The following TENM1 variants were observed in gnomAD, a reference collection of about 807,000 sequenced individuals.
TENM1 encodes the protein teneurin transmembrane protein 1, also known as teneurin-1.
TENM1 carries 35 observed loss-of-function variants against 174.8 expected under a neutral mutation model. The observed-to-expected ratio is 0.20, with a 90% confidence interval of 0.15 to 0.27. The LOEUF (loss-of-function observed/expected upper bound fraction) is 0.27. Among genes scored for constraint, TENM1 ranks in the 10% least tolerant of loss-of-function variants. The pLI is 1.00. For missense variants in TENM1, 1,633 were observed against 2,130.1 expected (o/e 0.77, Z 4.59); for synonymous variants, 781 against 798.7 (o/e 0.98, Z 0.37).
chrX:124,907,073 C>A (rs2057759912), intron 1 of TENM1, among the ~76,000 whole-genome samples: 1 of 111,377 alleles, frequency 9.0e-6, no homozygotes, highest in Non-Finnish European at 1.9e-5. Flanking sequence ...TATTGTATGT[C>A]AATTTTACCT....
intron 11 of TENM1, among the ~76,000 whole-genome samples, chrX:124,637,093 C>CTTT (rs747497256): frequency 3.9e-5 from 4 of 102,027 alleles, no homozygotes; most frequent in African/African-American, 1.1e-4. Flanking sequence ...TTCTTTCTTT[C>CTTT]TTTTTTTTTT....
chrX:124,961,254 A>G (rs2058648125), intron 1 of TENM1, among the ~76,000 whole-genome samples: 1 of 112,266 alleles, frequency 8.9e-6, no homozygotes, highest in Non-Finnish European at 1.9e-5. Flanking sequence ...TAAAGCATAT[A>G]TTATATGCAA....
the TENM1 span, among the ~76,000 whole-genome samples, chrX:124,973,062 T>C: frequency 2.7e-5 from 3 of 112,215 alleles, no homozygotes; most frequent in Admixed American, 9.5e-5. Context: ...AAGAAAGCCA[T>C]CTTGAGTTAA....
chrX:124,991,526 CAGAG>C, the TENM1 span, among the ~76,000 whole-genome samples: 1 of 108,062 alleles, frequency 9.3e-6, no homozygotes, highest in African/African-American at 3.4e-5. Context: ...CAGAGAGAGA[CAGAG>C]AGAGAGAGAA....
At chrX:125,098,341 C>G in the TENM1 span, among the ~76,000 whole-genome samples, 2 of 111,922 alleles carry the variant, frequency 1.8e-5, no homozygotes, top group Non-Finnish European at 3.8e-5. Context: ...TAGCACAATA[C>G]CTTGAACAGG....
chrX:124,402,204 C>A (rs1603252040), intron 27 of TENM1, among the ~76,000 whole-genome samples: 1 of 111,819 alleles, frequency 8.9e-6, no homozygotes, highest in African/African-American at 3.3e-5. Context: ...CAAATAAAAT[C>A]CTGGCTATGA....
At chrX:125,136,747 T>TA in the TENM1 span, among the ~76,000 whole-genome samples, 11 of 111,440 alleles carry the variant, frequency 9.9e-5, no homozygotes, top group African/African-American at 2.9e-4. Context: ...AATAGAACAA[T>TA]AAAAAAACAG....
At chrX:124,554,395 G>A (rs1345379781) in intron 14 of TENM1, among the ~76,000 whole-genome samples, 1 of 111,771 alleles carries the variant, frequency 8.9e-6, no homozygotes, top group Non-Finnish European at 1.9e-5. Context: ...CAGTCATACA[G>A]TGGTGAACAG....
At chrX:124,999,651 A>T in the TENM1 span, among the ~76,000 whole-genome samples, 63 of 111,234 alleles carry the variant, frequency 5.7e-4, no homozygotes, top group South Asian at 3.8e-4. Context: ...AGTGATTACC[A>T]GCTGAGGAGT....
At chrX:124,809,135 C>A (rs1795282374) in intron 3 of TENM1, among the ~76,000 whole-genome samples, 1 of 111,129 alleles carries the variant, frequency 9.0e-6, no homozygotes, top group Non-Finnish European at 1.9e-5. Flanking sequence ...ACTAGTAACA[C>A]AGAAATACAA....
At chrX:125,036,566 A>G in the TENM1 span, among the ~76,000 whole-genome samples, 1 of 111,648 alleles carries the variant, frequency 9.0e-6, no homozygotes, top group Non-Finnish European at 1.9e-5. Context: ...GATCATCTAT[A>G]AGAATATTGC....
chrX:124,510,890 T>C lies in TENM1; in HGVS notation c.3302-7187A>G, dbSNP rs1022118622. On this transcript the variant is annotated intron_variant, in intron 18 of 31. Transcript: ENST00000422452. ...TTCGGTTCTATTATATTCCATCACA[T>C]TCTATTCAATTTTTCAAAACGAAAA... Among the ~76,000 whole-genome samples the C allele has an allele frequency of 2.7e-5, 3 of 111,513 alleles. 1 individual carries two copies. Among genetic ancestry groups the C allele is most frequent in the Non-Finnish European group, 5.7e-5 (3 of 53,094 alleles).
At chrX:124,643,337 A>C (rs2051066488) in intron 10 of TENM1, among the ~76,000 whole-genome samples, 1 of 111,134 alleles carries the variant, frequency 9.0e-6, no homozygotes, top group Non-Finnish European at 1.9e-5. Flanking sequence ...TAAAGGGGCC[A>C]GGCAGGTGGC....
intron 18 of TENM1, among the ~76,000 whole-genome samples, chrX:124,506,856 A>C (rs1181980958): frequency 8.9e-6 from 1 of 112,036 alleles, no homozygotes; most frequent in Non-Finnish European, 1.9e-5. Context: ...ATAATGCACT[A>C]AATGCCTACT....
intron 23 of TENM1, among the ~76,000 whole-genome samples, chrX:124,450,660 C>T (rs141687641): frequency 1.1e-3 from 126 of 111,806 alleles, no homozygotes; most frequent in Middle Eastern, 4.6e-3. Flanking sequence ...TCATTGCCTC[C>T]CCAGTAGCAA....
intron 4 of TENM1, among the ~76,000 whole-genome samples, chrX:124,723,590 G>C (rs920679553): frequency 1.4e-4 from 14 of 101,683 alleles, no homozygotes; most frequent in African/African-American, 5.2e-4. Context: ...ATATCTGGTG[G>C]GTTTTTTTTT....
intron 11 of TENM1, among the ~76,000 whole-genome samples, chrX:124,584,917 C>A (rs1387926605): frequency 1.8e-5 from 2 of 109,398 alleles, no homozygotes. Context: ...TTTAAACCAA[C>A]AAAGATCAAA....
chrX:124,443,044 ATGTG>A (rs59365041), intron 23 of TENM1, among the ~76,000 whole-genome samples: 1,968 of 51,741 alleles, frequency 0.038, 28 homozygotes, highest in Middle Eastern at 0.071. Flanking sequence ...CTGGATGACT[ATGTG>A]TGTGTGTGTG....
chrX:124,570,112 A>T (rs971762369), intron 11 of TENM1, among the ~76,000 whole-genome samples: 6 of 111,484 alleles, frequency 5.4e-5, no homozygotes, highest in Non-Finnish European at 9.4e-5. Context: ...TACATCTGAA[A>T]TTTTTTATGA....
Sources: gnomAD v4.1 joint callset for allele counts (sites outside exome capture counted in the v4.1 genomes callset) on GRCh38, gnomAD v4.1.1 for gene constraint, MANE v1.5 for transcripts, NCBI Gene and HGNC (gene_info 2026-07-23, HGNC 2026-07-21) for gene names.